HMBOX1: variants seen among roughly 807,000 people sequenced by gnomAD.
The protein encoded by HMBOX1 is homeobox-containing protein 1.
A neutral mutation model predicts 54.5 loss-of-function variants in HMBOX1; 14 were observed. The ratio of observed to expected loss-of-function variants is 0.26; its 90% CI spans 0.17 to 0.40. The LOEUF (loss-of-function observed/expected upper bound fraction) is 0.40. HMBOX1 is among the 10% of genes least tolerant of loss of function. The probability of loss-of-function intolerance (pLI) is 1.00; values close to 1 mark genes in which losing one functional copy is unlikely to be tolerated. For synonymous variants in HMBOX1, 160 were observed against 181.0 expected (o/e 0.88, Z 0.93); for missense variants, 332 against 514.4 (o/e 0.65, Z 3.43).
intron 4 of HMBOX1, among the ~76,000 whole-genome samples, chr8:28,988,174 T>C (rs1265770503): frequency 3.3e-5 from 5 of 152,262 alleles, no homozygotes; most frequent in Non-Finnish European, 4.4e-5. Context: ...AGTGGAATCA[T>C]ACAAAACATA....
intron 1 of HMBOX1, among the ~76,000 whole-genome samples, chr8:28,942,074 G>C (rs958015233): frequency 4.6e-5 from 7 of 152,224 alleles, no homozygotes; most frequent in African/African-American, 1.7e-4. Context: ...GTGAGGGATA[G>C]TAGCAGTGTG....
rs1443438097 is a variant in HMBOX1, at chr8:28,970,359, A to G, written c.340A>G (p.Thr114Ala). 5 of 1,614,082 alleles carry G rather than the reference A, an allele frequency of 3.1e-6. No homozygotes were observed. Among genetic ancestry groups the G allele is most frequent in the Non-Finnish European group, 1.7e-6 (2 of 1,180,032 alleles). Residue 114 changes from threonine to alanine, a missense_variant, in exon 3 of 10, where the codon ACC (threonine) becomes GCC (alanine). Thr to Ala is a moderately conservative substitution (Grantham distance 58, BLOSUM62 0). This residue lies in a region of HMBOX1 where 146 missense variants were observed against 173.3 expected (regional missense o/e 0.84). Transcript: ENST00000287701. This position sits in a 1 kb window ranked among gnomAD's most constrained non-coding sequence, Gnocchi z 4.3. ...TGATACTTCCCCACAGCCTTGCACT[A>G]CCAATCAAAATGGGAGGGAGAATAA... ...SYDTSPQPCTTNQNGRENNER... is the reference protein window; with the variant it reads ...SYDTSPQPCTANQNGRENNER...
chr8:29,009,901 C>G (rs968779009), intron 5 of HMBOX1: 3 of 1,110,726 alleles, frequency 2.7e-6, no homozygotes, highest in Non-Finnish European at 2.2e-6. Context: ...GTGAGCCTGC[C>G]CTCATGTGTA....
At chr8:29,020,559 TTTAA>T (rs1182650988) in intron 6 of HMBOX1, among the ~76,000 whole-genome samples, 2 of 152,222 alleles carry the variant, frequency 1.3e-5, no homozygotes, top group African/African-American at 2.4e-5. Context: ...TAACATTAAT[TTTAA>T]TTAATAAATG....
intron 2 of HMBOX1, among the ~76,000 whole-genome samples, chr8:28,965,713 G>A (rs1300539614): frequency 1.3e-5 from 2 of 152,142 alleles, no homozygotes; most frequent in Non-Finnish European, 2.9e-5. Context: ...TGAGCTCTCT[G>A]GTTTTGGAGA....
At chr8:28,974,192 G>GT (rs1828002998) in intron 3 of HMBOX1, among the ~76,000 whole-genome samples, 1 of 151,978 alleles carries the variant, frequency 6.6e-6, no homozygotes, top group Admixed American at 6.6e-5. Flanking sequence ...CAATGAAAAA[G>GT]TAACTTTCAC....
intron 5 of HMBOX1, chr8:29,009,544 T>G (rs1833947195): frequency 1.1e-5 from 6 of 567,818 alleles, no homozygotes; most frequent in Non-Finnish European, 1.3e-5. Flanking sequence ...TTTTTTTTTT[T>G]GCAAATCTTG....
rs1024606487 is a variant in HMBOX1 at position 28,897,646 on chromosome 8, A to G, written c.-58+6968A>G. Among the ~76,000 whole-genome samples the G allele has an allele frequency of 2.0e-5, 3 of 152,380 alleles. No homozygotes were observed. In the East Asian group the frequency reaches 5.8e-4, roughly 29 times the overall value. Reference sequence around the variant, plus strand: ...AGCCAAGGTGGCGCCACTGCACACCAGATTGGGCAACAGAGCGAGACTCTA... The same window carrying G: ...AGCCAAGGTGGCGCCACTGCACACCGGATTGGGCAACAGAGCGAGACTCTA... On this transcript the variant is annotated intron_variant, in intron 1 of 9. Transcript: ENST00000287701.
At position 28,939,781 on chromosome 8, in the gene HMBOX1, G is replaced by A. The variant is rs576890639; in HGVS notation, c.-57-24030G>A. On this transcript the variant is annotated intron_variant, in intron 1 of 9. Transcript: ENST00000287701. ...CGCCTCGGCCTCCTGAAGTGCTGGG[G>A]TTACATGCGTCAGCCACCGTGCCCG... Among the ~76,000 whole-genome samples the A allele has an allele frequency of 2.2e-4, 33 of 151,854 alleles. No homozygotes were observed. In the South Asian group the frequency reaches 3.1e-3, roughly 14 times the overall value.
intron 3 of HMBOX1, among the ~76,000 whole-genome samples, chr8:28,975,188 T>A (rs921736824): frequency 6.6e-6 from 1 of 152,210 alleles, no homozygotes; most frequent in Admixed American, 6.5e-5. Flanking sequence ...CATAATTGAA[T>A]AAGGCACCAT....
At chr8:29,023,901 G>T (rs536574046) in intron 6 of HMBOX1, among the ~76,000 whole-genome samples, 6 of 152,282 alleles carry the variant, frequency 3.9e-5, no homozygotes, top group Admixed American at 6.5e-5. Flanking sequence ...TAATCTCTGG[G>T]TGTAGAGCCT....
chr8:28,992,074 T>C (rs1242353482), intron 4 of HMBOX1, among the ~76,000 whole-genome samples: 1 of 152,244 alleles, frequency 6.6e-6, no homozygotes, highest in African/African-American at 2.4e-5. Flanking sequence ...CACTGTTCTT[T>C]ACATAGCAAT....
At chr8:28,914,433 A>C (rs1330037782) in intron 1 of HMBOX1, among the ~76,000 whole-genome samples, 1 of 152,226 alleles carries the variant, frequency 6.6e-6, no homozygotes. Context: ...GAAATTTAAC[A>C]TACTAATTAA....
chr8:29,012,840 CTT>C (rs1316226657), intron 5 of HMBOX1, among the ~76,000 whole-genome samples: 2 of 152,136 alleles, frequency 1.3e-5, no homozygotes, highest in African/African-American at 4.8e-5. Context: ...TCCAGACCTG[CTT>C]TTGAGAAGCA....
intron 1 of HMBOX1, among the ~76,000 whole-genome samples, chr8:28,943,048 T>C (rs939345728): frequency 6.6e-6 from 1 of 152,202 alleles, no homozygotes; most frequent in Admixed American, 6.5e-5. Context: ...CATCTGATTT[T>C]ATTTGATGAT....
chr8:28,985,262 A>G (rs1163806140), intron 4 of HMBOX1, among the ~76,000 whole-genome samples: 1 of 152,168 alleles, frequency 6.6e-6, no homozygotes, highest in Non-Finnish European at 1.5e-5. Context: ...CTTAAAGACC[A>G]TGCCATTTCA....
chr8:28,922,415 A>G (rs1204349890), intron 1 of HMBOX1, among the ~76,000 whole-genome samples: 1 of 152,204 alleles, frequency 6.6e-6, no homozygotes, highest in Non-Finnish European at 1.5e-5. Flanking sequence ...GGACAACTGT[A>G]ATAGGACAAC....
At chr8:28,910,188 C>T (rs1815143437) in intron 1 of HMBOX1, among the ~76,000 whole-genome samples, 1 of 152,148 alleles carries the variant, frequency 6.6e-6, no homozygotes, top group Non-Finnish European at 1.5e-5. Context: ...CCTTTTGTTT[C>T]TGGTCTCTTT....
At chr8:29,049,545 G>A (rs989120842) in intron 9 of HMBOX1, 16 of 1,204,542 alleles carry the variant, frequency 1.3e-5, no homozygotes, top group Non-Finnish European at 7.7e-6. Flanking sequence ...GCCCAAAGGA[G>A]TGGTTCTTCC....
Sources: allele counts gnomAD v4.1 joint callset (sites outside exome capture counted in the v4.1 genomes callset), GRCh38; gene constraint gnomAD v4.1.1; regional missense constraint gnomAD v4.1.1; non-coding constraint Gnocchi (gnomAD v3.1); transcripts MANE v1.5; gene names NCBI Gene and HGNC (gene_info 2026-07-23, HGNC 2026-07-21).